Variants in GABRA5 observed in about 807,000 individuals in gnomAD.
GABRA5 encodes the protein gamma-aminobutyric acid receptor subunit alpha-5.
A neutral mutation model predicts 47.3 loss-of-function variants in GABRA5; 18 were observed. The observed-to-expected ratio is 0.38, with a 90% CI of 0.26 to 0.56. The LOEUF (loss-of-function observed/expected upper bound fraction) is 0.56. Ranked by LOEUF, GABRA5 falls within the 20% of genes least tolerant of loss-of-function variation. The probability of loss-of-function intolerance (pLI) is 0.71; values close to 1 mark genes in which losing one functional copy is unlikely to be tolerated. For missense variants in GABRA5, 365 were observed against 599.3 expected (o/e 0.61, Z 4.08); for synonymous variants, 237 against 229.3 (o/e 1.03, Z -0.30).
intron 6 of GABRA5, among the ~76,000 whole-genome samples, chr15:26,902,506 G>A (rs1410283152): frequency 1.3e-5 from 2 of 151,994 alleles, no homozygotes; most frequent in African/African-American, 2.4e-5. Context: ...CTCTATTCAT[G>A]TATTAGTTCC....
chr15:26,928,794 G>A (rs530530395), intron 7 of GABRA5, among the ~76,000 whole-genome samples: 24 of 152,286 alleles, frequency 1.6e-4, no homozygotes, highest in Non-Finnish European at 2.6e-4. Context: ...AGGCTGGAAA[G>A]TTTTGGATCA....
intron 7 of GABRA5, among the ~76,000 whole-genome samples, chr15:26,933,532 C>T (rs1894159768): frequency 6.6e-6 from 1 of 152,176 alleles, no homozygotes; most frequent in Non-Finnish European, 1.5e-5. Flanking sequence ...GAGTGACAGT[C>T]CTTTTTCTTC....
In GABRA5 at chr15:26,883,207, T is replaced by C; in HGVS notation, c.250T>C (p.Phe84Leu). ...GAGGACCGACATCTACGTCACCAGC[T>C]TCGGCCCGGTGTCCGACACGGAAAT... Reference protein sequence around the residue: ...QVRTDIYVTSFGPVSDTEMEY... With the variant: ...QVRTDIYVTSLGPVSDTEMEY... The change falls in exon 5 of 11, where the codon TTC becomes CTC. Residue 84 changes from phenylalanine (F) to leucine (L), a missense_variant. Physicochemically the swap from Phe to Leu is conservative, Grantham distance 22. Transcript: ENST00000335625. This position sits in a 1 kb window ranked among gnomAD's most constrained non-coding sequence, Gnocchi z 4.8. The C allele has an allele frequency of 6.2e-7, 1 of 1,613,952 alleles. No individual in the cohort carries two copies. Among genetic ancestry groups the C allele is most frequent in the Non-Finnish European group, 8.5e-7 (1 of 1,179,864 alleles).
At chr15:26,875,755 A>G (rs1892582270) in intron 3 of GABRA5, among the ~76,000 whole-genome samples, 1 of 152,028 alleles carries the variant, frequency 6.6e-6, no homozygotes, top group Admixed American at 6.5e-5. Flanking sequence ...CGAAAGTGCT[A>G]TAGGCCATGC....
In GABRA5 at chr15:26,918,124, G is replaced by A. The variant is rs532355519; in HGVS notation, c.580+3239G>A. ...GTTTGTGCTTCTTTTTCTAATTCCC[G>A]AAGGAGTTAGGTTGTTTATAAATTT... On this transcript the variant is annotated intron_variant, in intron 7 of 10. Transcript: ENST00000335625. Among the ~76,000 whole-genome samples the A allele has an allele frequency of 2.1e-3, 326 of 151,668 alleles. 2 individuals carry two copies. The highest frequency in any genetic ancestry group is 7.3e-3 in the African/African-American group (300 of 41,350).
chr15:26,889,863 A>C (rs1892963825), intron 6 of GABRA5, among the ~76,000 whole-genome samples: 2 of 152,214 alleles, frequency 1.3e-5, no homozygotes, highest in Admixed American at 1.3e-4. Flanking sequence ...TATCATGTTT[A>C]TGTGTCCCTG....
At chr15:26,935,053 C>T (rs559297283) in intron 7 of GABRA5, among the ~76,000 whole-genome samples, 3 of 151,996 alleles carry the variant, frequency 2.0e-5, no homozygotes, top group East Asian at 1.9e-4. Flanking sequence ...ACTCTTGTCC[C>T]GGCAAAAAGA....
rs978194844 is a variant in GABRA5 at position 26,883,587 on chromosome 15, G to A, written c.497+30G>A. On this transcript the variant is annotated intron_variant, in intron 6 of 10. Transcript: ENST00000335625. This position sits in a 1 kb window ranked among gnomAD's most constrained non-coding sequence, Gnocchi z 4.8. ...GCGCCGGGCGGGGGCGGGCGGGGCCGGGGGACGGTGCGGGGCAGGCGCGGC... is the reference window on the plus strand; with the variant it reads ...GCGCCGGGCGGGGGCGGGCGGGGCCAGGGGACGGTGCGGGGCAGGCGCGGC... 1.2e-5 allele frequency: 18 copies of A among 1,477,832 alleles called. No homozygotes were observed. The highest frequency in any genetic ancestry group is 7.3e-5 in the South Asian group (6 of 82,740). 91.5% of individuals were successfully genotyped at this position (1,477,832 alleles called of 1,614,324 possible). A position where few individuals can be genotyped will look rare whatever the true frequency, so the allele number is the denominator to read the frequency against.
intron 6 of GABRA5, among the ~76,000 whole-genome samples, chr15:26,886,721 G>A (rs1484071491): frequency 2.0e-5 from 3 of 152,184 alleles, no homozygotes; most frequent in African/African-American, 7.2e-5. Flanking sequence ...TGCCCAGAAG[G>A]GAGCCAAGGA....
chr15:26,907,534 G>A (rs759897502), intron 6 of GABRA5, among the ~76,000 whole-genome samples: 10 of 152,174 alleles, frequency 6.6e-5, no homozygotes, highest in Non-Finnish European at 1.0e-4. Context: ...TCCTTAGGAG[G>A]TTGGCAAACC....
chr15:26,915,895 T>C (rs1232655643), intron 7 of GABRA5, among the ~76,000 whole-genome samples: 2 of 152,172 alleles, frequency 1.3e-5, no homozygotes, highest in African/African-American at 4.8e-5. Context: ...TATAATATGT[T>C]TGAAACTGGC....
chr15:26,882,436 G>C (rs902239452), intron 4 of GABRA5, among the ~76,000 whole-genome samples: 2 of 152,186 alleles, frequency 1.3e-5, no homozygotes, highest in Non-Finnish European at 2.9e-5. Context: ...AAGTTACCCG[G>C]TGTGGGCTGC....
intron 6 of GABRA5, among the ~76,000 whole-genome samples, chr15:26,910,222 C>T (rs866053177): frequency 5.9e-5 from 9 of 152,172 alleles, no homozygotes; most frequent in Middle Eastern, 6.8e-3. Flanking sequence ...TGCTCCTGAC[C>T]AAGCAGAGAG....
intron 10 of GABRA5, among the ~76,000 whole-genome samples, chr15:26,947,363 C>A (rs1894535512): frequency 6.6e-6 from 1 of 152,076 alleles, no homozygotes; most frequent in South Asian, 2.1e-4. Flanking sequence ...CTTCCTCCTC[C>A]CACCTTCCAC....
At chr15:26,931,669 G>A (rs1447255969) in intron 7 of GABRA5, among the ~76,000 whole-genome samples, 1 of 152,180 alleles carries the variant, frequency 6.6e-6, no homozygotes, top group Non-Finnish European at 1.5e-5. Flanking sequence ...ATACCTTTGT[G>A]CAGTTGAAAC....
chr15:26,925,357 A>G (rs1203436571), intron 7 of GABRA5, among the ~76,000 whole-genome samples: 3 of 152,074 alleles, frequency 2.0e-5, no homozygotes, highest in Non-Finnish European at 4.4e-5. Context: ...TGGATAATTT[A>G]TATTTAGTGC....
chr15:26,880,538 C>A, intron 3 of GABRA5: 1 of 216,654 alleles, frequency 4.6e-6, no homozygotes. Flanking sequence ...AGTCCATGCG[C>A]AATGGCTAAT....
intron 6 of GABRA5, among the ~76,000 whole-genome samples, chr15:26,894,387 G>C (rs1856561144): frequency 6.6e-6 from 1 of 152,164 alleles, no homozygotes; most frequent in Non-Finnish European, 1.5e-5. Flanking sequence ...GGCCTCGCGG[G>C]CAGCCAGTGG....
chr15:26,911,400 C>A (rs1237615742), intron 6 of GABRA5, among the ~76,000 whole-genome samples: 1 of 146,884 alleles, frequency 6.8e-6, no homozygotes, highest in African/African-American at 2.5e-5. Context: ...CACACACAAA[C>A]ACACACACTC....
Sources: gnomAD v4.1 joint callset for allele counts (sites outside exome capture counted in the v4.1 genomes callset) on GRCh38, gnomAD v4.1.1 for gene constraint, Gnocchi (gnomAD v3.1) non-coding constraint, MANE v1.5 for transcripts, NCBI Gene and HGNC (gene_info 2026-07-23, HGNC 2026-07-21) for gene names.